TOX2: variants seen among roughly 807,000 people sequenced by gnomAD.
The protein encoded by TOX2 is TOX high mobility group box family member 2, also known as granulosa cell HMG box 1.
TOX2 carries 15 observed loss-of-function variants against 47.4 expected under a neutral mutation model. That is an observed-to-expected ratio of 0.32 (90% CI 0.21 to 0.49). The LOEUF (loss-of-function observed/expected upper bound fraction) is 0.49, where lower values mean the gene tolerates loss of function less well. Ranked by LOEUF, TOX2 falls within the 20% of genes least tolerant of loss-of-function variation. TOX2 has a pLI of 0.99. For missense variants in TOX2, 622 were observed against 673.1 expected (o/e 0.92, Z 0.84); for synonymous variants, 290 against 296.6 (o/e 0.98, Z 0.23).
At chr20:44,046,403 T>C (rs1270304908) in intron 3 of TOX2, among the ~76,000 whole-genome samples, 1 of 152,124 alleles carries the variant, frequency 6.6e-6, no homozygotes, top group Non-Finnish European at 1.5e-5. Flanking sequence ...AGTATGGTGG[T>C]TTCTTAAAAA....
chr20:44,054,756 A>C (rs761761997), intron 5 of TOX2, among the ~76,000 whole-genome samples: 1 of 152,066 alleles, frequency 6.6e-6, no homozygotes, highest in East Asian at 1.9e-4. Context: ...TGCTTCCCGC[A>C]ACTTAACCAT....
intron 1 of TOX2, among the ~76,000 whole-genome samples, chr20:43,938,346 A>G (rs1272828560): frequency 6.6e-6 from 1 of 152,080 alleles, no homozygotes; most frequent in Non-Finnish European, 1.5e-5. Flanking sequence ...CTCCTGCCTG[A>G]GGTAGGACTG....
At chr20:44,068,547 T>A in intron 8 of TOX2, 103 bp from the exon 9 acceptor site, 2 of 1,302,196 alleles carry the variant, frequency 1.5e-6, no homozygotes, top group East Asian at 2.6e-5. Context: ...GAGGGGCAGC[T>A]GAATCCAGGG....
intron 2 of TOX2, among the ~76,000 whole-genome samples, chr20:44,004,645 T>C (rs562831124): frequency 1.8e-4 from 27 of 152,316 alleles, no homozygotes; most frequent in African/African-American, 6.3e-4. Flanking sequence ...TTAGGTATCT[T>C]GTGCTTTCTG....
At chr20:44,014,323 C>G (rs1470180877) in intron 3 of TOX2, among the ~76,000 whole-genome samples, 1 of 152,028 alleles carries the variant, frequency 6.6e-6, no homozygotes, top group African/African-American at 2.4e-5. Context: ...TGTGGCAAAT[C>G]CCAGAGTAAG....
chr20:44,058,976 A>C (rs887587218), intron 5 of TOX2, among the ~76,000 whole-genome samples: 1 of 151,778 alleles, frequency 6.6e-6, no homozygotes. Flanking sequence ...AGGTTATTTA[A>C]CACCCCCAAA....
intron 1 of TOX2, among the ~76,000 whole-genome samples, chr20:43,919,930 A>G (rs4810402): frequency 0.42 from 64,036 of 152,096 alleles, 13,773 homozygotes; most frequent in African/African-American, 0.48. Context: ...ACACTGATGG[A>G]CATTTGGGTT....
chr20:44,019,625 A>G (rs2070945503), intron 3 of TOX2, among the ~76,000 whole-genome samples: 1 of 152,192 alleles, frequency 6.6e-6, no homozygotes, highest in Non-Finnish European at 1.5e-5. Flanking sequence ...AGTAGTCAGA[A>G]CCTGTCATAG....
intron 7 of TOX2, among the ~76,000 whole-genome samples, 164 bp downstream of exon 7, chr20:44,066,271 C>T (rs1019259581): frequency 1.3e-5 from 2 of 152,196 alleles, no homozygotes; most frequent in Non-Finnish European, 2.9e-5. Context: ...GGGTCTCGCA[C>T]ACCTTACCTG....
chr20:44,004,096 T>A (rs1405221852), intron 2 of TOX2, among the ~76,000 whole-genome samples: 2 of 152,090 alleles, frequency 1.3e-5, no homozygotes, highest in Non-Finnish European at 2.9e-5. Flanking sequence ...TTCATTGGAT[T>A]TGAGAGATGT....
intron 2 of TOX2, among the ~76,000 whole-genome samples, chr20:43,976,375 G>C (rs1419852905): frequency 6.6e-6 from 1 of 152,196 alleles, no homozygotes; most frequent in Non-Finnish European, 1.5e-5. Context: ...CTAGCTCCAG[G>C]TTGTTCACAT....
At chr20:44,034,501 T>A (rs898965199) in intron 3 of TOX2, among the ~76,000 whole-genome samples, 2 of 151,820 alleles carry the variant, frequency 1.3e-5, no homozygotes, top group African/African-American at 4.8e-5. Context: ...CTCTGGGAGG[T>A]CTTGAGAAGT....
At chr20:43,979,183 T>C (rs986409757) in intron 2 of TOX2, among the ~76,000 whole-genome samples, 2 of 152,164 alleles carry the variant, frequency 1.3e-5, no homozygotes, top group African/African-American at 2.4e-5. Context: ...TTCAAGTAGA[T>C]AGATGATGGT....
At chr20:44,041,774 A>G (rs2071334915) in intron 3 of TOX2, among the ~76,000 whole-genome samples, 1 of 152,218 alleles carries the variant, frequency 6.6e-6, no homozygotes, top group Non-Finnish European at 1.5e-5. Context: ...TAATTTTATT[A>G]AATAGGTCCA....
At chr20:43,989,522 G>A (rs568733569) in intron 2 of TOX2, among the ~76,000 whole-genome samples, 3 of 152,292 alleles carry the variant, frequency 2.0e-5, no homozygotes, top group Admixed American at 6.5e-5. Flanking sequence ...GCTCATGCCT[G>A]TAATCCTAGC....
chr20:44,039,015 G>A (rs963472104), intron 3 of TOX2: 1 of 1,216,962 alleles, frequency 8.2e-7, no homozygotes, highest in African/African-American at 1.6e-5. Context: ...TTTCCAAGAG[G>A]GAAGCAGGAG....
At chr20:43,999,658 C>A (rs955207812) in intron 2 of TOX2, among the ~76,000 whole-genome samples, 1 of 152,188 alleles carries the variant, frequency 6.6e-6, no homozygotes, top group Non-Finnish European at 1.5e-5. Flanking sequence ...ACTATCTGAG[C>A]GTCTACAGAT....
chr20:43,918,457 C>A (rs1568995399), intron 1 of TOX2, among the ~76,000 whole-genome samples: 1 of 152,178 alleles, frequency 6.6e-6, no homozygotes, highest in African/African-American at 2.4e-5. Flanking sequence ...TCCCTCACAT[C>A]CCTTTATAGA....
chr20:44,027,753 G>A (rs1366006216), intron 3 of TOX2, among the ~76,000 whole-genome samples: 1 of 152,234 alleles, frequency 6.6e-6, no homozygotes, highest in African/African-American at 2.4e-5. Flanking sequence ...GCAAAGATGA[G>A]GAGGCAGGAA....
Sources: gnomAD v4.1 joint callset for allele counts (sites outside exome capture counted in the v4.1 genomes callset) on GRCh38, gnomAD v4.1.1 for gene constraint, MANE v1.5 for transcripts, NCBI Gene and HGNC (gene_info 2026-07-23, HGNC 2026-07-21) for gene names.